Variants in KDM4C observed in about 807,000 individuals in gnomAD.
KDM4C encodes lysine demethylase 4C.
In KDM4C, 81 loss-of-function variants were observed where a neutral mutation model predicts 129.3. The observed-to-expected ratio is 0.63, with a 90% CI of 0.52 to 0.75. The LOEUF (loss-of-function observed/expected upper bound fraction) is 0.75, where lower values mean the gene tolerates loss of function less well. Ranked by LOEUF, KDM4C falls within the 30% of genes least tolerant of loss-of-function variation. The pLI is 0.00. For synonymous variants in KDM4C, 573 were observed against 456.1 expected, an observed-to-expected ratio of 1.26 and a Z score of -3.26; for missense variants, 1,457 against 1,304.0, an observed-to-expected ratio of 1.12 and a Z score of -1.81.
At chr9:6,827,614 T>G (rs768852175) in intron 4 of KDM4C, among the ~76,000 whole-genome samples, 1 of 152,240 alleles carries the variant, frequency 6.6e-6, no homozygotes, top group Non-Finnish European at 1.5e-5. Context: ...TTTAAACGGT[T>G]TGAGTCACCA....
Position 7,013,970 on chromosome 9 carries a change from C to G in KDM4C, c.2151C>G (p.Ser717=), listed in dbSNP as rs564728390. The change falls in exon 14 of 22, where the codon TCC becomes TCG. Residue 717 remains serine, a synonymous_variant. Transcript: ENST00000381309. ...LEEDGTSLLI[S]CAKCCVRVHA... ...AGGATGGAACAAGTCTCCTTATTTC[C>G]TGTGCAAAGTGCTGCGTACGGGTTC... The G allele has an allele frequency of 6.2e-7, 1 of 1,613,868 alleles. No individual in the cohort carries two copies. Among genetic ancestry groups the G allele is most frequent in the East Asian group, 2.2e-5 (1 of 44,876 alleles).
At chr9:6,786,895 C>CT (rs987293806) in intron 1 of KDM4C, among the ~76,000 whole-genome samples, 1 of 152,060 alleles carries the variant, frequency 6.6e-6, no homozygotes, top group Admixed American at 6.6e-5. Context: ...CTTAACCATA[C>CT]TTTTTTGCCC....
chr9:6,853,507 T>A (rs1437307315), intron 5 of KDM4C, among the ~76,000 whole-genome samples: 1 of 151,860 alleles, frequency 6.6e-6, no homozygotes, highest in Non-Finnish European at 1.5e-5. Context: ...AATAAAAAAA[T>A]AAATAAAAAT....
intron 8 of KDM4C, among the ~76,000 whole-genome samples, chr9:6,946,586 G>A (rs1276713233): frequency 1.3e-5 from 2 of 152,102 alleles, no homozygotes; most frequent in African/African-American, 4.8e-5. Context: ...TCTGTGATAT[G>A]TGAGTTGTAA....
chr9:7,050,442 C>CAAAAAAAAA (rs71500910), intron 17 of KDM4C, among the ~76,000 whole-genome samples: 8 of 78,268 alleles, frequency 1.0e-4, no homozygotes, highest in African/African-American at 2.6e-4. Flanking sequence ...CCCAGATTAC[C>CAAAAAAAAA]AAAAAAAAAA....
intron 12 of KDM4C, among the ~76,000 whole-genome samples, chr9:6,993,346 A>T (rs1379584771): frequency 9.2e-5 from 14 of 152,044 alleles, no homozygotes; most frequent in African/African-American, 3.4e-4. Flanking sequence ...TTTTTCTTTT[A>T]ACTGAAATGT....
At chr9:6,873,248 C>T (rs529553000) in intron 5 of KDM4C, among the ~76,000 whole-genome samples, 5 of 152,292 alleles carry the variant, frequency 3.3e-5, no homozygotes, top group South Asian at 2.1e-4. Context: ...CCACCCGCCT[C>T]GGCCTGGGAT....
At chr9:6,883,615 A>G (rs990588564) in intron 6 of KDM4C, among the ~76,000 whole-genome samples, 1 of 152,226 alleles carries the variant, frequency 6.6e-6, no homozygotes, top group Non-Finnish European at 1.5e-5. Context: ...AAATAACATA[A>G]TTCATTTGTG....
At chr9:6,756,690 C>T (rs1452482123), upstream of KDM4C, among the ~76,000 whole-genome samples, 1 of 152,208 alleles carries the variant, frequency 6.6e-6, no homozygotes, top group Non-Finnish European at 1.5e-5. Context: ...GCACTCCAAA[C>T]TGGGCGACAC....
intron 18 of KDM4C, among the ~76,000 whole-genome samples, chr9:7,125,230 C>CTGGGCCTT (rs1196864992): frequency 6.6e-6 from 1 of 152,170 alleles, no homozygotes; most frequent in African/African-American, 2.4e-5. Context: ...TTTCCTGCTT[C>CTGGGCCTT]TGGGCCTTTG....
intron 1 of KDM4C, among the ~76,000 whole-genome samples, chr9:6,789,137 C>T (rs1564006974): frequency 6.6e-6 from 1 of 151,196 alleles, no homozygotes; most frequent in South Asian, 2.1e-4. Context: ...GCACCCTCTG[C>T]CCCCCGGGGT....
intron 1 of KDM4C, among the ~76,000 whole-genome samples, chr9:6,760,152 C>T (rs566829609): frequency 6.6e-6 from 1 of 152,030 alleles, no homozygotes; most frequent in African/African-American, 2.4e-5. Flanking sequence ...AATCTGCTGT[C>T]TGTCTCAATA....
chr9:6,831,439 A>G (rs7856734), intron 4 of KDM4C, among the ~76,000 whole-genome samples: 1 of 151,860 alleles, frequency 6.6e-6, no homozygotes, highest in East Asian at 1.9e-4. Context: ...GTCTCCCTGG[A>G]TCAAGTAATT....
chr9:6,998,943 C>G (rs1348732430), intron 12 of KDM4C, among the ~76,000 whole-genome samples: 1 of 151,666 alleles, frequency 6.6e-6, no homozygotes, highest in African/African-American at 2.4e-5. Context: ...GTTTTTTTTT[C>G]TGGCATCGCC....
Position 6,849,531 on chromosome 9 carries a change from C to A in KDM4C, c.460C>A (p.Arg154Ser), listed in dbSNP as rs777848000. The A allele has an allele frequency of 3.1e-6, 5 of 1,594,756 alleles. No individual in the cohort carries two copies. Among genetic ancestry groups the A allele is most frequent in the Non-Finnish European group, 4.3e-6 (5 of 1,166,592 alleles). The change falls in exon 5 of 22, where the codon CGC (arginine) becomes AGC (serine). Residue 154 changes from arginine (R) to serine (S), a missense_variant. Arg to Ser is a moderately radical substitution (Grantham distance 110). Coordinates refer to ENST00000381309, the MANE Select transcript of KDM4C (RefSeq NM_015061.6). Reference sequence around the variant, plus strand: ...GGGTGTGGATGAATGGAACATAGCTCGCCTCAATACAGTCTTGGATGTGGT... The same window carrying A: ...GGGTGTGGATGAATGGAACATAGCTAGCCTCAATACAGTCTTGGATGTGGT... ...DEGVDEWNIARLNTVLDVVEE... is the reference protein window; with the variant it reads ...DEGVDEWNIASLNTVLDVVEE...
At chr9:6,799,332 GC>G (rs1828451882) in intron 2 of KDM4C, among the ~76,000 whole-genome samples, 1 of 152,246 alleles carries the variant, frequency 6.6e-6, no homozygotes, top group African/African-American at 2.4e-5. Flanking sequence ...GGAGGCCGAG[GC>G]TGGCGGATCA....
At chr9:6,905,485 C>CT (rs904801169) in intron 8 of KDM4C, among the ~76,000 whole-genome samples, 6 of 152,106 alleles carry the variant, frequency 3.9e-5, no homozygotes, top group African/African-American at 1.4e-4. Flanking sequence ...CTCCTTTAGT[C>CT]TTTGACATTT....
intron 5 of KDM4C, among the ~76,000 whole-genome samples, chr9:6,852,491 T>C (rs1308518156): frequency 6.6e-6 from 1 of 152,176 alleles, no homozygotes; most frequent in Non-Finnish European, 1.5e-5. Context: ...ATATTTTTAT[T>C]GAGTTGACAA....
intron 12 of KDM4C, among the ~76,000 whole-genome samples, chr9:7,007,760 A>G (rs1005495351): frequency 3.3e-5 from 5 of 152,278 alleles, no homozygotes; most frequent in African/African-American, 9.6e-5. Context: ...CATTTTATTG[A>G]TATTTACTTA....
Sources: gnomAD v4.1 joint callset for allele counts (sites outside exome capture counted in the v4.1 genomes callset) on GRCh38, gnomAD v4.1.1 for gene constraint, MANE v1.5 for transcripts, NCBI Gene and HGNC (gene_info 2026-07-23, HGNC 2026-07-21) for gene names.